The following HDAC9 variants were observed in gnomAD, a reference collection of about 807,000 sequenced individuals.
HDAC9 encodes MEF-2 interacting transcription repressor (MITR) protein.
In HDAC9, 41 loss-of-function variants were observed where a neutral mutation model predicts 139.4. That is an observed-to-expected ratio of 0.29 (90% CI 0.23 to 0.38). The LOEUF (loss-of-function observed/expected upper bound fraction) is 0.38, where lower values mean the gene tolerates loss of function less well. Ranked by LOEUF, HDAC9 falls within the 10% of genes least tolerant of loss-of-function variation. The pLI, the probability that HDAC9 is intolerant of heterozygous loss-of-function variation, is 1.00. For synonymous variants in HDAC9, 517 were observed against 476.2 expected (o/e 1.09, Z -1.12); for missense variants, 1,147 against 1,297.0 (o/e 0.88, Z 1.78).
intron 2 of HDAC9, among the ~76,000 whole-genome samples, chr7:18,180,034 T>C (rs977388024): frequency 2.0e-4 from 30 of 152,154 alleles, no homozygotes; most frequent in African/African-American, 7.0e-4. Flanking sequence ...AATTTCCAGA[T>C]TTGTCTCTGT....
chr7:18,174,940 C>T (rs540364983), intron 2 of HDAC9, among the ~76,000 whole-genome samples: 13 of 152,312 alleles, frequency 8.5e-5, no homozygotes, highest in Middle Eastern at 3.4e-3. Context: ...GCAGTCTGTC[C>T]GTTCTCCAAT....
At chr7:18,868,253 C>G (rs1178488498) in intron 21 of HDAC9, among the ~76,000 whole-genome samples, 1 of 152,118 alleles carries the variant, frequency 6.6e-6, no homozygotes, top group Non-Finnish European at 1.5e-5. Flanking sequence ...ACTGTCAAAC[C>G]CCACTTTAGT....
At chr7:18,444,627 G>C (rs1296425053) in intron 1 of HDAC9, among the ~76,000 whole-genome samples, 2 of 151,528 alleles carry the variant, frequency 1.3e-5, no homozygotes, top group East Asian at 3.9e-4. Context: ...TATTTTGCCA[G>C]AACTTTTTTC....
At chr7:18,834,091 A>G (rs1027212059) in intron 19 of HDAC9, among the ~76,000 whole-genome samples, 7 of 152,218 alleles carry the variant, frequency 4.6e-5, no homozygotes, top group Non-Finnish European at 8.8e-5. Context: ...TTAGTAACTG[A>G]AACTCTCTGA....
intron 6 of HDAC9, among the ~76,000 whole-genome samples, chr7:18,594,943 G>A (rs1918284): frequency 0.28 from 42,211 of 151,638 alleles, 6,129 homozygotes; most frequent in African/African-American, 0.37. Context: ...AGATTTATTT[G>A]TTTTATATAT....
At chr7:18,808,993 T>C (rs1224565664) in intron 17 of HDAC9, among the ~76,000 whole-genome samples, 2 of 151,994 alleles carry the variant, frequency 1.3e-5, no homozygotes, top group African/African-American at 4.8e-5. Context: ...AAAATGAACA[T>C]ATAGACCAAT....
intron 21 of HDAC9, among the ~76,000 whole-genome samples, chr7:18,859,015 C>T (rs181370655): frequency 5.3e-5 from 8 of 152,232 alleles, no homozygotes; most frequent in East Asian, 3.9e-4. Flanking sequence ...GTCAAGCTTC[C>T]GAGAACGTGA....
intron 17 of HDAC9, among the ~76,000 whole-genome samples, chr7:18,824,447 G>A (rs1380130799): frequency 6.6e-6 from 1 of 152,192 alleles, no homozygotes; most frequent in Admixed American, 6.5e-5. Flanking sequence ...ATGGTGGTGG[G>A]GGTGATTGAT....
At chr7:18,675,630 C>CA (rs1050374523) in intron 12 of HDAC9, among the ~76,000 whole-genome samples, 3 of 151,666 alleles carry the variant, frequency 2.0e-5, no homozygotes, top group South Asian at 2.1e-4. Flanking sequence ...CTTCTGTAAT[C>CA]AAAAAAAATT....
chr7:18,590,763 A>C (rs1830715576), intron 4 of HDAC9, among the ~76,000 whole-genome samples: 1 of 152,210 alleles, frequency 6.6e-6, no homozygotes, highest in East Asian at 1.9e-4. Context: ...ATTCTAAAGC[A>C]GTCTAATATA....
At chr7:18,175,180 C>A (rs1021716962) in intron 2 of HDAC9, among the ~76,000 whole-genome samples, 1 of 152,222 alleles carries the variant, frequency 6.6e-6, no homozygotes, top group African/African-American at 2.4e-5. Context: ...CCCCTCCCCC[C>A]TGCCAGGCTG....
intron 2 of HDAC9, among the ~76,000 whole-genome samples, chr7:18,231,164 C>A (rs557388105): frequency 5.3e-5 from 8 of 152,152 alleles, no homozygotes; most frequent in Non-Finnish European, 8.8e-5. Context: ...TTTCCAGGAG[C>A]CTTAGCTGGG....
At chr7:18,219,899 G>A (rs972348677) in intron 2 of HDAC9, among the ~76,000 whole-genome samples, 1 of 152,084 alleles carries the variant, frequency 6.6e-6, no homozygotes, top group Non-Finnish European at 1.5e-5. Context: ...TTGGAATAAG[G>A]CGCTTATTTT....
At chr7:18,625,946 CAAAAAAAAAA>C (rs11312304) in intron 6 of HDAC9, among the ~76,000 whole-genome samples, 3 of 60,944 alleles carry the variant, frequency 4.9e-5, no homozygotes, top group Non-Finnish European at 8.8e-5. Flanking sequence ...GACTCCATCT[CAAAAAAAAAA>C]AAAAAAAAAA....
At chr7:18,208,147 A>G (rs1217921699) in intron 2 of HDAC9, among the ~76,000 whole-genome samples, 1 of 152,178 alleles carries the variant, frequency 6.6e-6, no homozygotes, top group Admixed American at 6.6e-5. Flanking sequence ...GAACTAGCTT[A>G]CCTGTGGGTG....
intron 1 of HDAC9, among the ~76,000 whole-genome samples, chr7:18,470,109 A>G (rs751957225): frequency 1.3e-5 from 2 of 152,092 alleles, no homozygotes; most frequent in Admixed American, 6.5e-5. Flanking sequence ...TGGCCAAGGT[A>G]GGAGGACCCC....
At chr7:18,677,000 CCATA>C (rs1426106645) in intron 12 of HDAC9, among the ~76,000 whole-genome samples, 1 of 151,832 alleles carries the variant, frequency 6.6e-6, no homozygotes, top group Non-Finnish European at 1.5e-5. Context: ...ACTATAATAT[CCATA>C]CAAACTCCAC....
At chr7:18,458,988 C>A in intron 1 of HDAC9, 2 of 999,870 alleles carry the variant, frequency 2.0e-6, no homozygotes, top group South Asian at 2.8e-5. Flanking sequence ...GGCTATTGGT[C>A]AAAGCTGCGG....
chr7:18,770,876 A>C (rs1045955687), intron 16 of HDAC9, among the ~76,000 whole-genome samples: 2 of 152,190 alleles, frequency 1.3e-5, no homozygotes, highest in African/African-American at 2.4e-5. Flanking sequence ...TGAGAAGCAA[A>C]GGGAATATGA....
Sources: gnomAD v4.1 joint callset for allele counts (sites outside exome capture counted in the v4.1 genomes callset) on GRCh38, gnomAD v4.1.1 for gene constraint, MANE v1.5 for transcripts, NCBI Gene and HGNC (gene_info 2026-07-23, HGNC 2026-07-21) for gene names.